ADGRV1: variants seen among roughly 807,000 people sequenced by gnomAD.
ADGRV1 encodes G-protein coupled receptor 98.
A neutral mutation model predicts 596.2 loss-of-function variants in ADGRV1; 359 were observed. The ratio of observed to expected loss-of-function variants is 0.60; its 90% CI spans 0.55 to 0.66. The LOEUF is 0.66. Among genes scored for constraint, ADGRV1 ranks in the 30% least tolerant of loss-of-function variants. The pLI, the probability that ADGRV1 is intolerant of heterozygous loss-of-function variation, is 0.00. For missense variants in ADGRV1, 7,274 were observed against 7,575.6 expected, an observed-to-expected ratio of 0.96 and a Z score of 1.48; for synonymous variants, 2,681 against 2,679.2, an observed-to-expected ratio of 1.00 and a Z score of -0.02.
At chr5:91,124,823 T>C (rs762551854) in intron 87 of ADGRV1, among the ~76,000 whole-genome samples, 18 of 152,238 alleles carry the variant, frequency 1.2e-4, no homozygotes, top group Non-Finnish European at 2.5e-4. Flanking sequence ...AACTTTTCTA[T>C]AATGCTCTCT....
intron 85 of ADGRV1, among the ~76,000 whole-genome samples, chr5:91,017,945 T>C (rs1321299171): frequency 6.6e-6 from 1 of 151,946 alleles, no homozygotes; most frequent in African/African-American, 2.4e-5. Context: ...CAGAAAACTA[T>C]AATTTTATAT....
intron 85 of ADGRV1, among the ~76,000 whole-genome samples, chr5:91,038,878 A>G (rs898680919): frequency 6.6e-6 from 1 of 152,136 alleles, no homozygotes; most frequent in African/African-American, 2.4e-5. Context: ...TTGGTTAAAA[A>G]TTGCACCTCA....
Position 90,753,757 on chromosome 5 carries a change from C to T in ADGRV1, c.11305C>T (p.Pro3769Ser), listed in dbSNP as rs1229022989. Reference sequence around the variant, plus strand: ...AAGCAAGTCTGTTATAACAACTTTGCCCAATGACTCACCTTTTGGCTTGGT... The same window carrying T: ...AAGCAAGTCTGTTATAACAACTTTGTCCAATGACTCACCTTTTGGCTTGGT... Reference protein sequence around the residue: ...DRSKSVITTLPNDSPFGLVGW... With the variant: ...DRSKSVITTLSNDSPFGLVGW... The change falls in exon 54 of 90, where the codon CCC becomes TCC. Residue 3769 changes from proline to serine, a missense_variant. Around this residue, in one of 5 missense-constraint regions of ADGRV1, gnomAD observed 3,643 missense variants for 3,809.2 expected, o/e 0.96. Coordinates refer to ENST00000405460, the MANE Select transcript of ADGRV1 (RefSeq NM_032119.4). 5.0e-6 allele frequency: 8 copies of T among 1,613,188 alleles called. No individual in the cohort carries two copies. The highest frequency in any genetic ancestry group is 1.6e-4 in the Middle Eastern group (1 of 6,082).
At chr5:90,709,535 G>A (rs753583461) in intron 39 of ADGRV1, among the ~76,000 whole-genome samples, 1 of 152,174 alleles carries the variant, frequency 6.6e-6, no homozygotes, top group Non-Finnish European at 1.5e-5. Flanking sequence ...CTAGAGGGTG[G>A]TGCTGAGTTG....
intron 1 of ADGRV1, among the ~76,000 whole-genome samples, chr5:90,589,957 CATAA>C (rs1759258982): frequency 6.6e-6 from 1 of 152,080 alleles, no homozygotes; most frequent in African/African-American, 2.4e-5. Context: ...CACTTATATA[CATAA>C]ATATATTTGT....
intron 89 of ADGRV1, among the ~76,000 whole-genome samples, chr5:91,162,689 G>C (rs537303671): frequency 2.4e-4 from 37 of 152,310 alleles, no homozygotes; most frequent in African/African-American, 8.7e-4. Context: ...CTTTAACAGA[G>C]AGAGTGCGAA....
chr5:91,031,300 A>G lies in ADGRV1; in HGVS notation c.18153-41147A>G, dbSNP rs571877756. On this transcript the variant is annotated intron_variant, in intron 85 of 89. Transcript: ENST00000405460. ...GTTGTAAGTCTCATTGATTTCAAAC[A>G]TAGTAAAATGCTGCTGCACTTGCTA... 7 of 1,482,642 alleles carry G rather than the reference A, an allele frequency of 4.7e-6. No homozygotes were observed. The African/African-American group carries it at 8.3e-5, about 18-fold the overall frequency. 91.8% of individuals were successfully genotyped at this position (1,482,642 alleles called of 1,614,324 possible). A position where few individuals can be genotyped will look rare whatever the true frequency, so the allele number is the denominator to read the frequency against.
chr5:90,864,749 C>A (rs1767929931), intron 83 of ADGRV1, among the ~76,000 whole-genome samples: 1 of 152,138 alleles, frequency 6.6e-6, no homozygotes, highest in East Asian at 1.9e-4. Flanking sequence ...AAAGAATATT[C>A]TATATAATGC....
intron 38 of ADGRV1, among the ~76,000 whole-genome samples, chr5:90,706,793 C>T (rs571317453): frequency 7.3e-5 from 11 of 150,796 alleles, no homozygotes; most frequent in East Asian, 5.9e-4. Flanking sequence ...ATTATAATAC[C>T]AGAAACCTGG....
intron 87 of ADGRV1, among the ~76,000 whole-genome samples, chr5:91,104,013 T>C (rs1238644087): frequency 6.6e-6 from 1 of 152,244 alleles, no homozygotes; most frequent in Non-Finnish European, 1.5e-5. Flanking sequence ...CTTGGGATGC[T>C]GAGCTTCAAT....
intron 1 of ADGRV1, among the ~76,000 whole-genome samples, chr5:90,606,152 A>G (rs1392141936): frequency 3.3e-5 from 5 of 152,196 alleles, no homozygotes; most frequent in Admixed American, 2.0e-4. Context: ...TTTTCTTAAA[A>G]AATAATCAGA....
intron 86 of ADGRV1, among the ~76,000 whole-genome samples, chr5:91,088,945 G>A (rs749306325): frequency 1.1e-4 from 16 of 152,014 alleles, no homozygotes; most frequent in Admixed American, 2.6e-4. Flanking sequence ...TATATACATA[G>A]CATTCAATCC....
intron 1 of ADGRV1, among the ~76,000 whole-genome samples, chr5:90,602,664 A>G (rs2152026488): frequency 6.6e-6 from 1 of 152,348 alleles, no homozygotes; most frequent in Non-Finnish European, 1.5e-5. Context: ...GCCCAAGGAA[A>G]CATGACAACC....
At chr5:90,724,325 G>C (rs984312161) in intron 45 of ADGRV1, among the ~76,000 whole-genome samples, 1 of 152,180 alleles carries the variant, frequency 6.6e-6, no homozygotes, top group African/African-American at 2.4e-5. Flanking sequence ...CGCCTCCCGG[G>C]TTCAAGCAAT....
At position 90,627,675 on chromosome 5, in the gene ADGRV1, A is replaced by T; in HGVS notation, c.1137A>T (p.Val379=). ...GDAVLISPSV[V]QVTIKPNDKP... ...CTGTGCTAATAAGCCCTTCTGTTGT[A>T]CAAGTCACCATTAAGCCAAATGATA... Residue 379 remains valine (V), a synonymous_variant, in exon 7 of 90, where the codon GTA becomes GTT. Transcript: ENST00000405460. 1 of 1,613,732 alleles carries T rather than the reference A, an allele frequency of 6.2e-7. No individual in the cohort carries two copies. Among genetic ancestry groups the T allele is most frequent in the Non-Finnish European group, 8.5e-7 (1 of 1,179,736 alleles).
intron 83 of ADGRV1, among the ~76,000 whole-genome samples, chr5:90,876,710 C>T (rs1329421311): frequency 6.6e-6 from 1 of 152,206 alleles, no homozygotes; most frequent in East Asian, 1.9e-4. Flanking sequence ...AGTCTGTCTA[C>T]CACCTCCTGT....
At chr5:90,589,727 C>G (rs766441327) in intron 1 of ADGRV1, among the ~76,000 whole-genome samples, 6 of 152,094 alleles carry the variant, frequency 3.9e-5, no homozygotes, top group Non-Finnish European at 8.8e-5. Flanking sequence ...GTGCTAGATT[C>G]TGGGTGTTAA....
chr5:90,648,301 C>T (rs1357524824), intron 17 of ADGRV1, among the ~76,000 whole-genome samples: 1 of 152,206 alleles, frequency 6.6e-6, no homozygotes, highest in African/African-American at 2.4e-5. Context: ...GTTTTAACCC[C>T]ACTCTTTGGG....
At chr5:90,783,013 T>C (rs1324125515) in intron 65 of ADGRV1, 111 bp from the exon 66 acceptor site, 10 of 794,210 alleles carry the variant, frequency 1.3e-5, no homozygotes, top group Non-Finnish European at 2.1e-5. Flanking sequence ...TATGAAAACA[T>C]AGAGTGCTTA....
Sources: gnomAD v4.1 joint callset for allele counts (sites outside exome capture counted in the v4.1 genomes callset) on GRCh38, gnomAD v4.1.1 for gene constraint, gnomAD v4.1.1 regional missense constraint, MANE v1.5 for transcripts, NCBI Gene and HGNC (gene_info 2026-07-23, HGNC 2026-07-21) for gene names.